The following CTNNA3 variants were observed in gnomAD, a reference collection of about 807,000 sequenced individuals.
CTNNA3 encodes catenin alpha 3, also known as catenin alpha-3.
A neutral mutation model predicts 95.7 loss-of-function variants in CTNNA3; 76 were observed. That is an observed-to-expected ratio of 0.79 (90% CI 0.66 to 0.96). The LOEUF is 0.96. CTNNA3 is among the 40% of genes least tolerant of loss of function. The probability of loss-of-function intolerance (pLI) is 0.00; values close to 1 mark genes in which losing one functional copy is unlikely to be tolerated. For synonymous variants in CTNNA3, 431 were observed against 374.4 expected (o/e 1.15, Z -1.74); for missense variants, 1,191 against 1,089.8 (o/e 1.09, Z -1.31).
chr10:66,199,627 A>T (rs1224407056), intron 13 of CTNNA3, among the ~76,000 whole-genome samples: 2 of 150,388 alleles, frequency 1.3e-5, no homozygotes, highest in Admixed American at 1.3e-4. Flanking sequence ...TTTAAGGCGA[A>T]GTCTTGCTCT....
chr10:66,269,928 A>G (rs893568414), intron 13 of CTNNA3, among the ~76,000 whole-genome samples: 3 of 152,148 alleles, frequency 2.0e-5, no homozygotes, highest in African/African-American at 7.2e-5. Flanking sequence ...CATCAAACAG[A>G]CATGTACTGT....
In CTNNA3 at chr10:66,520,681, A is replaced by G; in HGVS notation, c.1467T>C (p.His489=). The change falls in exon 11 of 18, where the codon CAT becomes CAC. Residue 489 remains histidine (H), a synonymous_variant. Coordinates refer to ENST00000433211, the MANE Select transcript of CTNNA3 (RefSeq NM_013266.4). ...CTACGGCTTCAGTGAGGACATGTAT[A>G]TGATTCTCCCATGTACGCTTGTACA... ...MEMYKRTWEN[H]IHVLTEAVDD... 1.9e-6 allele frequency: 3 copies of G among 1,612,404 alleles called. No homozygotes were observed. Among genetic ancestry groups the G allele is most frequent in the Non-Finnish European group, 1.7e-6 (2 of 1,179,120 alleles).
At chr10:66,361,166 A>G (rs1288671696) in intron 12 of CTNNA3, among the ~76,000 whole-genome samples, 1 of 148,906 alleles carries the variant, frequency 6.7e-6, no homozygotes, top group Admixed American at 6.8e-5. Context: ...GTGAGGTCTC[A>G]CTATGCTGCC....
At chr10:66,315,093 T>C (rs972233450) in intron 12 of CTNNA3, among the ~76,000 whole-genome samples, 6 of 152,104 alleles carry the variant, frequency 3.9e-5, no homozygotes, top group Admixed American at 1.3e-4. Flanking sequence ...CCGTGGTTCT[T>C]TCTTTATTAA....
chr10:66,596,025 C>T (rs944908281), intron 10 of CTNNA3, among the ~76,000 whole-genome samples: 5 of 151,998 alleles, frequency 3.3e-5, no homozygotes, highest in Admixed American at 6.6e-5. Flanking sequence ...AACTGACCCT[C>T]GTCCTACAAT....
chr10:67,192,105 C>T (rs1367272832), intron 6 of CTNNA3, among the ~76,000 whole-genome samples: 1 of 151,856 alleles, frequency 6.6e-6, no homozygotes, highest in Non-Finnish European at 1.5e-5. Context: ...AAAGACATAA[C>T]TGTAATGCCT....
intron 7 of CTNNA3, among the ~76,000 whole-genome samples, chr10:67,155,566 C>A (rs1329802531): frequency 5.3e-5 from 8 of 151,188 alleles, no homozygotes; most frequent in Non-Finnish European, 1.2e-4. Flanking sequence ...ATTCATTCTT[C>A]TTTTAGTTAC....
At chr10:66,188,579 G>T (rs188825586) in intron 13 of CTNNA3, among the ~76,000 whole-genome samples, 6 of 52,060 alleles carry the variant, frequency 1.2e-4, no homozygotes, top group South Asian at 1.2e-3. Context: ...TGTGTGTGTG[G>T]GGGGAGGGGG....
intron 14 of CTNNA3, among the ~76,000 whole-genome samples, chr10:66,101,032 A>G (rs1271195888): frequency 2.0e-5 from 3 of 152,204 alleles, no homozygotes; most frequent in Admixed American, 6.5e-5. Flanking sequence ...CCTTTGGTCA[A>G]TTACTTTGCA....
At chr10:66,878,921 A>G (rs1844736757) in intron 7 of CTNNA3, among the ~76,000 whole-genome samples, 1 of 152,194 alleles carries the variant, frequency 6.6e-6, no homozygotes. Context: ...CAATAAAGTG[A>G]TATTTATATT....
At chr10:66,407,357 A>G (rs760926761) in intron 11 of CTNNA3, among the ~76,000 whole-genome samples, 5 of 151,000 alleles carry the variant, frequency 3.3e-5, no homozygotes, top group African/African-American at 1.2e-4. Flanking sequence ...GCCTATGTGA[A>G]TATCAAGTGG....
intron 7 of CTNNA3, among the ~76,000 whole-genome samples, chr10:66,817,934 T>A (rs1842152422): frequency 6.6e-6 from 1 of 151,994 alleles, no homozygotes; most frequent in African/African-American, 2.4e-5. Context: ...ACAAAAAGCT[T>A]ATACTATGAC....
intron 5 of CTNNA3, among the ~76,000 whole-genome samples, chr10:67,299,264 C>T (rs963816221): frequency 5.9e-5 from 9 of 151,932 alleles, no homozygotes; most frequent in African/African-American, 2.2e-4. Flanking sequence ...TCTGCTTGGC[C>T]CTTTCTTATC....
At chr10:67,214,262 C>T (rs1864257796) in intron 6 of CTNNA3, among the ~76,000 whole-genome samples, 2 of 151,646 alleles carry the variant, frequency 1.3e-5, no homozygotes, top group African/African-American at 2.4e-5. Flanking sequence ...TTGCATTTCT[C>T]CTTTTCCATA....
At chr10:65,969,451 A>G (rs1033328315) in intron 16 of CTNNA3, among the ~76,000 whole-genome samples, 2 of 152,198 alleles carry the variant, frequency 1.3e-5, no homozygotes, top group Admixed American at 6.5e-5. Flanking sequence ...TGGAAATGAC[A>G]GATAAAGAAT....
intron 11 of CTNNA3, among the ~76,000 whole-genome samples, chr10:66,389,897 C>G (rs1201469810): frequency 6.6e-6 from 1 of 152,048 alleles, no homozygotes; most frequent in Non-Finnish European, 1.5e-5. Context: ...CACCGCCATG[C>G]CTGGCTGTTT....
At chr10:67,697,328 A>G (rs1840985118), upstream of CTNNA3, among the ~76,000 whole-genome samples, 1 of 152,204 alleles carries the variant, frequency 6.6e-6, no homozygotes, top group Non-Finnish European at 1.5e-5. Context: ...AGTAAGTTTT[A>G]TGTCTCTCAA....
chr10:67,557,734 A>G (rs533860662), intron 3 of CTNNA3, among the ~76,000 whole-genome samples: 1 of 152,314 alleles, frequency 6.6e-6, no homozygotes, highest in Admixed American at 6.5e-5. Flanking sequence ...GAATTTCTGC[A>G]AGGCCCAGAA....
intron 2 of CTNNA3, among the ~76,000 whole-genome samples, chr10:67,639,234 G>A (rs573353007): frequency 0.059 from 8,959 of 152,162 alleles, 288 homozygotes; most frequent in South Asian, 0.1. Flanking sequence ...ACACCTGTAT[G>A]CAAATAAACT....
Sources: gnomAD v4.1 joint callset for allele counts (sites outside exome capture counted in the v4.1 genomes callset) on GRCh38, gnomAD v4.1.1 for gene constraint, MANE v1.5 for transcripts, NCBI Gene and HGNC (gene_info 2026-07-23, HGNC 2026-07-21) for gene names.